Variants in ZC3H7B observed in about 807,000 individuals in gnomAD.
ZC3H7B encodes zinc finger CCCH domain-containing protein 7B.
Under a neutral mutation model 116.0 loss-of-function variants are expected in ZC3H7B, and 35 were observed. The observed-to-expected ratio is 0.30, with a 90% CI of 0.23 to 0.40. The LOEUF is 0.40. Ranked by LOEUF, ZC3H7B falls within the 10% of genes least tolerant of loss-of-function variation. The probability of loss-of-function intolerance (pLI) is 1.00; values close to 1 mark genes in which losing one functional copy is unlikely to be tolerated. For synonymous variants in ZC3H7B, 502 were observed against 545.6 expected, an observed-to-expected ratio of 0.92 and a Z score of 1.11; for missense variants, 1,011 against 1,321.5, an observed-to-expected ratio of 0.77 and a Z score of 3.64.
rs2036712483 is a variant in ZC3H7B at position 41,356,076 on chromosome 22, CG to C, written c.2383+18del. 1.9e-6 allele frequency: 3 copies of C among 1,553,020 alleles called. No individual in the cohort carries two copies. In the Middle Eastern group the frequency reaches 5.2e-4, roughly 268 times the overall value. On this transcript the variant is annotated intron_variant, in intron 20 of 22. Transcript: ENST00000352645. Reference sequence around the variant, plus strand: ...AGGAGAACAAGAGTGAGTGGGCAGACGGGGCGGGCGGGCCCTCCCCCGGTGT... The same window carrying C: ...AGGAGAACAAGAGTGAGTGGGCAGACGGGCGGGCGGGCCCTCCCCCGGTGT...
Position 41,338,384 on chromosome 22 carries a change from G to A in ZC3H7B, c.625+29G>A, listed in dbSNP as rs771056626. 7 of 1,611,570 alleles carry A rather than the reference G, an allele frequency of 4.3e-6. No individual in the cohort carries two copies. The South Asian group carries it at 7.7e-5, about 18-fold the overall frequency. On this transcript the variant is annotated intron_variant, in intron 8 of 22. Coordinates refer to ENST00000352645, the MANE Select transcript of ZC3H7B (RefSeq NM_017590.6). The surrounding 1 kb of genome is among the most constrained non-coding windows in gnomAD (Gnocchi z 4.5). ...ATGTCCCCGATACGAGGGAACAAGT[G>A]GAAATTGGGGCCCCGAGAGGTCAGG...
At position 41,356,081 on chromosome 22, in the gene ZC3H7B, C is replaced by T. The variant is rs1256472406; in HGVS notation, c.2383+19C>T. On this transcript the variant is annotated intron_variant, in intron 20 of 22. Transcript: ENST00000352645. ...AACAAGAGTGAGTGGGCAGACGGGG[C>T]GGGCGGGCCCTCCCCCGGTGTCTCT... The T allele has an allele frequency of 1.2e-5, 18 of 1,545,746 alleles. No individual in the cohort carries two copies. The highest frequency in any genetic ancestry group is 1.7e-4 in the Middle Eastern group (1 of 5,778).
intron 1 of ZC3H7B, among the ~76,000 whole-genome samples, chr22:41,312,345 G>A (rs767290781): frequency 6.6e-6 from 1 of 151,582 alleles, no homozygotes; most frequent in Non-Finnish European, 1.5e-5. Flanking sequence ...GCACATTCCT[G>A]TAGTCCCAGC....
rs538694629 is a variant in ZC3H7B at position 41,328,130 on chromosome 22, TA to T, written c.444+779del. ...TTTGACAAAGCAAGAGCTTGTCTATTAAAAAAAAAAAAAGCCTTTCTTTATG... is the reference window on the plus strand; with the variant it reads ...TTTGACAAAGCAAGAGCTTGTCTATTAAAAAAAAAAAAGCCTTTCTTTATG... On this transcript the variant is annotated intron_variant, in intron 5 of 22. Transcript: ENST00000352645. Among the ~76,000 whole-genome samples the T allele has an allele frequency of 6.3e-3, 888 of 140,414 alleles. 1 individual carries two copies. Among genetic ancestry groups the T allele is most frequent in the Admixed American group, 7.5e-3 (105 of 14,082 alleles). The allele number at this position is 140,414 out of a possible 152,430, so 92.1% of individuals were successfully genotyped here. A position where few individuals can be genotyped will look rare whatever the true frequency, so the allele number is the denominator to read the frequency against.
At chr22:41,308,734 G>A (rs1450840018) in intron 1 of ZC3H7B, among the ~76,000 whole-genome samples, 5 of 152,156 alleles carry the variant, frequency 3.3e-5, no homozygotes, top group East Asian at 1.9e-4. Context: ...CCTGGCTCCC[G>A]GCATGGCCTG....
In ZC3H7B at chr22:41,357,564, C is replaced by CCG. The variant is rs2036739003; in HGVS notation, c.*135_*136insCG. On this transcript the variant is annotated 3_prime_UTR_variant, in exon 23 of 23. Coordinates refer to ENST00000352645, the MANE Select transcript of ZC3H7B (RefSeq NM_017590.6). The surrounding 1 kb of genome is among the most constrained non-coding windows in gnomAD (Gnocchi z 5.4). ...AGGCAGCCCCCAGCCCCCTGAGGCC[C>CCG]TGTCCATCTTCTCCCCACCACCGCC... 2.8e-6 allele frequency: 3 copies of CCG among 1,079,944 alleles called. No individual in the cohort carries two copies. Among genetic ancestry groups the CCG allele is most frequent in the South Asian group, 1.6e-5 (1 of 63,526 alleles). The allele number at this position is 1,079,944 out of a possible 1,614,324, so 66.9% of individuals were successfully genotyped here.
At chr22:41,334,293 G>C (rs1223818382) in intron 7 of ZC3H7B, 1 of 152,276 alleles carries the variant, frequency 6.6e-6, no homozygotes, top group Non-Finnish European at 1.5e-5. Context: ...GGGCTGGGCA[G>C]GCACAGCAGA....
chr22:41,338,893 G>C lies in ZC3H7B; in HGVS notation c.626-108G>C. 8.0e-7 allele frequency: 1 copy of C among 1,245,740 alleles called. No homozygotes were observed. The highest frequency in any genetic ancestry group is 1.1e-6 in the Non-Finnish European group (1 of 917,592). 77.2% of individuals were successfully genotyped at this position (1,245,740 alleles called of 1,614,324 possible). A position where few individuals can be genotyped will look rare whatever the true frequency, so the allele number is the denominator to read the frequency against. On this transcript the variant is annotated intron_variant, in intron 8 of 22. Transcript: ENST00000352645. The surrounding 1 kb of genome is among the most constrained non-coding windows in gnomAD (Gnocchi z 4.5). ...GGGGAAGGCAGGGCTCCTGGCAAGA[G>C]CTGAAAGAAGAAGGGAAAGTGTTGG...
At chr22:41,342,807 C>G (rs2036538737) in intron 12 of ZC3H7B, among the ~76,000 whole-genome samples, 179 bp downstream of exon 12, 1 of 152,176 alleles carries the variant, frequency 6.6e-6, no homozygotes. Flanking sequence ...CTGCCAGGCA[C>G]CACCTTCACA....
chr22:41,335,765 GTA>G (rs1342849459), intron 7 of ZC3H7B: 6 of 152,902 alleles, frequency 3.9e-5, no homozygotes, highest in Admixed American at 1.3e-4. Flanking sequence ...ATGGGGGAGT[GTA>G]CAGTTCCAGG....
chr22:41,315,191 G>A (rs1040823686), intron 1 of ZC3H7B, among the ~76,000 whole-genome samples: 4 of 151,592 alleles, frequency 2.6e-5, no homozygotes, highest in African/African-American at 7.3e-5. Context: ...GTCACAACTG[G>A]GGACACCTTC....
chr22:41,351,046 G>A lies in ZC3H7B; in HGVS notation c.1949-515G>A, dbSNP rs1210495838. 1.3e-5 allele frequency among the ~76,000 whole-genome samples: 2 copies of A among 152,232 alleles called. No homozygotes were observed. The highest frequency in any genetic ancestry group is 2.9e-5 in the Non-Finnish European group (2 of 68,044). On this transcript the variant is annotated intron_variant, in intron 16 of 22. Transcript: ENST00000352645. The surrounding 1 kb of genome is among the most constrained non-coding windows in gnomAD (Gnocchi z 5.1). ...TCTGAGGCTGGCGGGGAGACAGACT[G>A]GAGAGTCCATGCCACCAGGCTGGGG...
intron 17 of ZC3H7B, among the ~76,000 whole-genome samples, chr22:41,352,646 C>T (rs1393368407): frequency 6.6e-6 from 1 of 151,996 alleles, no homozygotes; most frequent in Non-Finnish European, 1.5e-5. Context: ...CCTGTAGTCC[C>T]AGCTACTCGG....
In ZC3H7B at chr22:41,357,564, C is replaced by T. The variant is rs1227788745; in HGVS notation, c.*135C>T. The T allele has an allele frequency of 9.3e-7, 1 of 1,079,822 alleles. No homozygotes were observed. The highest frequency in any genetic ancestry group is 2.9e-5 in the Admixed American group (1 of 34,396). The allele number at this position is 1,079,822 out of a possible 1,614,324, so 66.9% of individuals were successfully genotyped here. A position where few individuals can be genotyped will look rare whatever the true frequency, so the allele number is the denominator to read the frequency against. On this transcript the variant is annotated 3_prime_UTR_variant, in exon 23 of 23. Coordinates refer to ENST00000352645, the MANE Select transcript of ZC3H7B (RefSeq NM_017590.6). This position sits in a 1 kb window ranked among gnomAD's most constrained non-coding sequence, Gnocchi z 5.4. ...AGGCAGCCCCCAGCCCCCTGAGGCCCTGTCCATCTTCTCCCCACCACCGCC... is the reference window on the plus strand; with the variant it reads ...AGGCAGCCCCCAGCCCCCTGAGGCCTTGTCCATCTTCTCCCCACCACCGCC...
At chr22:41,318,278 C>T (rs942687103) in intron 1 of ZC3H7B, among the ~76,000 whole-genome samples, 1 of 151,982 alleles carries the variant, frequency 6.6e-6, no homozygotes, top group Non-Finnish European at 1.5e-5. Flanking sequence ...GCCTGTAATC[C>T]CAGCACTTTG....
chr22:41,339,786 C>T, intron 9 of ZC3H7B, 30 bp from the exon 10 acceptor site: 1 of 1,555,934 alleles, frequency 6.4e-7, no homozygotes, highest in Non-Finnish European at 8.7e-7. Flanking sequence ...CTGTTTTCCT[C>T]TGACCCCTCC....
chr22:41,342,947 C>G (rs886107495), intron 12 of ZC3H7B, among the ~76,000 whole-genome samples: 2 of 152,120 alleles, frequency 1.3e-5, no homozygotes, highest in Non-Finnish European at 2.9e-5. Flanking sequence ...CTGAGGCAGG[C>G]AGATCACTTG....
At chr22:41,324,512 G>A (rs559289512) in intron 2 of ZC3H7B, among the ~76,000 whole-genome samples, 9 of 152,334 alleles carry the variant, frequency 5.9e-5, no homozygotes, top group African/African-American at 2.2e-4. Context: ...TCCCTCTGTG[G>A]AATGAAGGAC....
At position 41,325,718 on chromosome 22, in the gene ZC3H7B, C is replaced by G; in HGVS notation, c.88-3C>G. On this transcript the variant is annotated splice_polypyrimidine_tract_variant and splice_region_variant and intron_variant, in intron 3 of 22. Coordinates refer to ENST00000352645, the MANE Select transcript of ZC3H7B (RefSeq NM_017590.6). Reference sequence around the variant, plus strand: ...AGCCCCCTACACACCTTGCCCCCAACAGGCCTTTCTGCTCAAGCTGGTGCA... The same window carrying G: ...AGCCCCCTACACACCTTGCCCCCAAGAGGCCTTTCTGCTCAAGCTGGTGCA... The G allele has an allele frequency of 6.2e-7, 1 of 1,612,716 alleles. No homozygotes were observed. Among genetic ancestry groups the G allele is most frequent in the Non-Finnish European group, 8.5e-7 (1 of 1,179,494 alleles).
Sources: gnomAD v4.1 joint callset for allele counts (sites outside exome capture counted in the v4.1 genomes callset) on GRCh38, gnomAD v4.1.1 for gene constraint, Gnocchi (gnomAD v3.1) non-coding constraint, MANE v1.5 for transcripts, NCBI Gene and HGNC (gene_info 2026-07-23, HGNC 2026-07-21) for gene names.